MAPK10: variants seen among roughly 807,000 people sequenced by gnomAD.
MAPK10 encodes mitogen-activated protein kinase 10.
Under a neutral mutation model 59.3 loss-of-function variants are expected in MAPK10, and 25 were observed. The observed-to-expected ratio is 0.42, with a 90% CI of 0.31 to 0.59. The LOEUF is 0.59. Among genes scored for constraint, MAPK10 ranks in the 20% least tolerant of loss-of-function variants. The probability of loss-of-function intolerance (pLI) is 0.15; values close to 1 mark genes in which losing one functional copy is unlikely to be tolerated. For missense variants in MAPK10, 351 were observed against 568.9 expected (o/e 0.62, Z 3.90); for synonymous variants, 190 against 200.5 (o/e 0.95, Z 0.44).
At chr4:86,559,947 A>AAG (rs1164272941) in intron 1 of MAPK10, among the ~76,000 whole-genome samples, 1 of 151,832 alleles carries the variant, frequency 6.6e-6, no homozygotes, top group Non-Finnish European at 1.5e-5. Flanking sequence ...CAAAAAAAAA[A>AAG]AAAAGAAAAG....
intron 2 of MAPK10, among the ~76,000 whole-genome samples, chr4:86,298,469 C>T (rs6814123): frequency 0.016 from 2,414 of 152,280 alleles, 65 homozygotes; most frequent in African/African-American, 0.053. Flanking sequence ...GGCTAGAGTG[C>T]TGAGCTTCAG....
chr4:86,169,752 C>T (rs2073393388), intron 3 of MAPK10, among the ~76,000 whole-genome samples: 1 of 151,734 alleles, frequency 6.6e-6, no homozygotes, highest in African/African-American at 2.4e-5. Flanking sequence ...AACTCCAAGA[C>T]ACATAATTGT....
At chr4:86,565,956 TCCC>T (rs1565050464) in intron 1 of MAPK10, among the ~76,000 whole-genome samples, 1 of 152,148 alleles carries the variant, frequency 6.6e-6, no homozygotes, top group Non-Finnish European at 1.5e-5. Flanking sequence ...CTCAATTCCT[TCCC>T]CCCAAGTCTC....
chr4:86,218,601 T>C (rs930240316), intron 2 of MAPK10, among the ~76,000 whole-genome samples: 2 of 147,892 alleles, frequency 1.4e-5, no homozygotes, highest in Admixed American at 1.3e-4. Flanking sequence ...TTTGGGCAAT[T>C]AATTTAAAAG....
chr4:86,075,654 T>C (rs2049161368), intron 9 of MAPK10, among the ~76,000 whole-genome samples: 1 of 151,940 alleles, frequency 6.6e-6, no homozygotes, highest in East Asian at 1.9e-4. Flanking sequence ...TACCCTGCTG[T>C]GTGAGGTGGC....
At chr4:86,039,224 G>T (rs1182707747) in intron 11 of MAPK10, among the ~76,000 whole-genome samples, 1 of 152,136 alleles carries the variant, frequency 6.6e-6, no homozygotes, top group East Asian at 1.9e-4. Flanking sequence ...AGGAAACCAG[G>T]TGAGAGATTT....
intron 2 of MAPK10, among the ~76,000 whole-genome samples, chr4:86,317,315 C>T (rs546386306): frequency 1.4e-4 from 22 of 152,262 alleles, no homozygotes; most frequent in African/African-American, 4.3e-4. Flanking sequence ...TTCTCACGTT[C>T]GTACTTTCGT....
intron 3 of MAPK10, among the ~76,000 whole-genome samples, chr4:86,185,405 CA>C (rs1389793110): frequency 6.6e-6 from 1 of 152,074 alleles, no homozygotes; most frequent in Non-Finnish European, 1.5e-5. Context: ...AAGTGGATAA[CA>C]GAAGAACATT....
chr4:86,410,574 T>C (rs1245696671), intron 1 of MAPK10, among the ~76,000 whole-genome samples: 1 of 152,220 alleles, frequency 6.6e-6, no homozygotes, highest in Non-Finnish European at 1.5e-5. Context: ...TTGCATCAGT[T>C]TCAGTACCTG....
chr4:86,011,521 G>A lies in MAPK10; in HGVS notation c.*5707C>T, dbSNP rs1342688716. On this transcript the variant is annotated 3_prime_UTR_variant, in exon 14 of 14. Transcript: ENST00000641462. ...CCTTTTTTCTCCTTACTGTGAACTTGGTCAAAATTACCAAATGTTTGGTAA... is the reference window on the plus strand; with the variant it reads ...CCTTTTTTCTCCTTACTGTGAACTTAGTCAAAATTACCAAATGTTTGGTAA... 1 of 152,106 alleles carries A rather than the reference G, an allele frequency of 6.6e-6. No individual in the cohort carries two copies. The highest frequency in any genetic ancestry group is 2.4e-5 in the African/African-American group (1 of 41,418). The allele number at this position is 152,106 out of a possible 1,614,324, so 9.4% of individuals were successfully genotyped here.
intron 11 of MAPK10, among the ~76,000 whole-genome samples, chr4:86,046,033 G>C (rs1025157295): frequency 1.3e-5 from 2 of 150,490 alleles, no homozygotes; most frequent in African/African-American, 4.9e-5. Context: ...GAGAATAAAA[G>C]ACCTAGGAAT....
chr4:86,319,774 C>A (rs2095855103), intron 2 of MAPK10, among the ~76,000 whole-genome samples: 1 of 152,210 alleles, frequency 6.6e-6, no homozygotes, highest in South Asian at 2.1e-4. Flanking sequence ...TGAGGGATGG[C>A]AGCTAATGCT....
intron 11 of MAPK10, chr4:86,044,742 G>A (rs763519986): frequency 2.5e-6 from 1 of 397,586 alleles, no homozygotes; most frequent in Non-Finnish European, 4.4e-6. Context: ...GCCTCATAAT[G>A]CGTCACAGGT....
intron 2 of MAPK10, among the ~76,000 whole-genome samples, chr4:86,314,845 C>T (rs906170156): frequency 6.6e-6 from 1 of 152,064 alleles, no homozygotes; most frequent in African/African-American, 2.4e-5. Context: ...GATCATATTA[C>T]ACACACAATC....
intron 2 of MAPK10, among the ~76,000 whole-genome samples, chr4:86,206,460 G>C (rs181608175): frequency 0.082 from 12,452 of 151,470 alleles, 1,057 homozygotes; most frequent in African/African-American, 0.22. Context: ...GGACATTTGG[G>C]TTGGTTCCAA....
At chr4:86,069,749 T>G (rs2047432266) in intron 9 of MAPK10, among the ~76,000 whole-genome samples, 1 of 152,084 alleles carries the variant, frequency 6.6e-6, no homozygotes, top group South Asian at 2.1e-4. Context: ...CCACTCGATG[T>G]CAAACTTAAA....
intron 4 of MAPK10, among the ~76,000 whole-genome samples, chr4:86,155,985 C>T (rs1350955799): frequency 3.3e-5 from 5 of 151,962 alleles, no homozygotes; most frequent in African/African-American, 9.7e-5. Flanking sequence ...GGATGAGTCA[C>T]ATCCCCAGAA....
intron 2 of MAPK10, among the ~76,000 whole-genome samples, chr4:86,312,004 A>T (rs1413791087): frequency 6.6e-6 from 1 of 152,112 alleles, no homozygotes; most frequent in African/African-American, 2.4e-5. Context: ...TCCTTATCCT[A>T]TCTGACCATG....
intron 2 of MAPK10, chr4:86,340,442 G>C (rs1357475173): frequency 2.0e-5 from 3 of 152,370 alleles, no homozygotes; most frequent in Non-Finnish European, 4.4e-5. Flanking sequence ...GGCAACGCAG[G>C]AGAGAGAGGG....
Sources: gnomAD v4.1 joint callset for allele counts (sites outside exome capture counted in the v4.1 genomes callset) on GRCh38, gnomAD v4.1.1 for gene constraint, MANE v1.5 for transcripts, NCBI Gene and HGNC (gene_info 2026-07-23, HGNC 2026-07-21) for gene names.